Variants in FRYL observed in about 807,000 individuals in gnomAD.
FRYL encodes the protein FRY like transcription coactivator, also known as protein furry homolog-like.
FRYL carries 150 observed loss-of-function variants against 351.2 expected under a neutral mutation model. The observed-to-expected ratio is 0.43, with a 90% CI of 0.37 to 0.49. The LOEUF (loss-of-function observed/expected upper bound fraction) is 0.49, where lower values mean the gene tolerates loss of function less well. Among genes scored for constraint, FRYL ranks in the 20% least tolerant of loss-of-function variants. The probability of loss-of-function intolerance (pLI) is 0.00; values close to 1 mark genes in which losing one functional copy is unlikely to be tolerated. For missense variants in FRYL, 3,036 were observed against 3,619.3 expected (o/e 0.84, Z 4.13); for synonymous variants, 1,153 against 1,257.1 (o/e 0.92, Z 1.75).
chr4:48,550,038 G>A (rs76170679), intron 38 of FRYL, among the ~76,000 whole-genome samples: 4,382 of 152,190 alleles, frequency 0.029, 71 homozygotes, highest in Admixed American at 0.046. Context: ...GTGGGGCTGC[G>A]GGGTGCAATA....
At chr4:48,725,698 C>G (rs1383897197) in intron 1 of FRYL, among the ~76,000 whole-genome samples, 2 of 152,176 alleles carry the variant, frequency 1.3e-5, no homozygotes, top group Non-Finnish European at 2.9e-5. Context: ...CAGATCCACT[C>G]TCGCAGTATC....
At chr4:48,637,845 C>T (rs1754544452) in intron 3 of FRYL, 1 of 151,882 alleles carries the variant, frequency 6.6e-6, no homozygotes, top group Non-Finnish European at 1.5e-5. Context: ...ACTCCTAAAC[C>T]ATTATAAAAT....
chr4:48,625,633 G>A (rs1751635698), intron 4 of FRYL, among the ~76,000 whole-genome samples: 1 of 152,114 alleles, frequency 6.6e-6, no homozygotes. Context: ...GATGTGCATA[G>A]GTTATATGCA....
intron 3 of FRYL, among the ~76,000 whole-genome samples, chr4:48,648,904 T>C (rs1408884071): frequency 6.6e-6 from 1 of 152,190 alleles, no homozygotes; most frequent in African/African-American, 2.4e-5. Context: ...CTGGTGATAA[T>C]TGTACAATTT....
intron 19 of FRYL, among the ~76,000 whole-genome samples, chr4:48,583,872 T>A (rs1741482295): frequency 6.7e-6 from 1 of 149,972 alleles, no homozygotes; most frequent in African/African-American, 2.5e-5. Context: ...GCCACTGCAC[T>A]CCAGCCTGGG....
At chr4:48,758,634 G>T (rs1325390194) in intron 1 of FRYL, among the ~76,000 whole-genome samples, 1 of 152,224 alleles carries the variant, frequency 6.6e-6, no homozygotes, top group Non-Finnish European at 1.5e-5. Flanking sequence ...CTGTTGGTGG[G>T]ACTGTAAACT....
chr4:48,599,479 A>C (rs1242020896), intron 13 of FRYL, among the ~76,000 whole-genome samples: 7 of 152,224 alleles, frequency 4.6e-5, no homozygotes, highest in Admixed American at 1.3e-4. Context: ...AAAACTGTGC[A>C]ATATCATAAA....
chr4:48,581,704 C>T (rs1340061254), intron 20 of FRYL, 99 bp from the exon 21 acceptor site: 32 of 959,428 alleles, frequency 3.3e-5, no homozygotes, highest in Middle Eastern at 3.2e-4. Context: ...GTGATTATGA[C>T]TACCGGTCTG....
At chr4:48,576,885 A>G (rs1739731066) in intron 23 of FRYL, among the ~76,000 whole-genome samples, 1 of 152,190 alleles carries the variant, frequency 6.6e-6, no homozygotes, top group Non-Finnish European at 1.5e-5. Context: ...ATATACATGA[A>G]CTATAAGTGC....
In FRYL at chr4:48,725,624, T is replaced by C. The variant is rs1446796090; in HGVS notation, c.-383-14926A>G. Among the ~76,000 whole-genome samples, 4 of 152,342 alleles carry C rather than the reference T, an allele frequency of 2.6e-5. No homozygotes were observed. The East Asian group carries it at 7.7e-4, about 29-fold the overall frequency. On this transcript the variant is annotated intron_variant, in intron 1 of 63. Transcript: ENST00000358350. Reference sequence around the variant, plus strand: ...GGACATGAATTATCCCTTTGTCCAGTGTGTCCACATCCACACTGTCTATGC... The same window carrying C: ...GGACATGAATTATCCCTTTGTCCAGCGTGTCCACATCCACACTGTCTATGC...
At chr4:48,659,139 C>A (rs1009825908) in intron 3 of FRYL, among the ~76,000 whole-genome samples, 1 of 151,828 alleles carries the variant, frequency 6.6e-6, no homozygotes, top group Non-Finnish European at 1.5e-5. Flanking sequence ...TTGCTTGAGG[C>A]CAGGAGATCA....
chr4:48,656,229 AATTTGAATATATATTATGAATATAT>A (rs1339060035), intron 3 of FRYL, among the ~76,000 whole-genome samples: 1 of 132,896 alleles, frequency 7.5e-6, no homozygotes, highest in African/African-American at 2.8e-5. Context: ...TATTCATGAA[AATTTGAATATATATTATGAATATAT>A]ATTTGAATAT....
At chr4:48,653,810 C>G (rs1758205718) in intron 3 of FRYL, 1 of 302,108 alleles carries the variant, frequency 3.3e-6, no homozygotes, top group African/African-American at 9.8e-5. Flanking sequence ...GCTGCAAAAG[C>G]AGCAGCAGCA....
Position 48,724,466 on chromosome 4 carries a change from C to T in FRYL, c.-383-13768G>A, listed in dbSNP as rs770991413. ...TTCCCACATACCCTATCTAAAATAACGGACACCATCACTCTCTAAGCAAAC... is the reference window on the plus strand; with the variant it reads ...TTCCCACATACCCTATCTAAAATAATGGACACCATCACTCTCTAAGCAAAC... On this transcript the variant is annotated intron_variant, in intron 1 of 63. Coordinates refer to ENST00000358350, the MANE Select transcript of FRYL (RefSeq NM_015030.2). Among the ~76,000 whole-genome samples, 5 of 152,156 alleles carry T rather than the reference C, an allele frequency of 3.3e-5. No homozygotes were observed. In the East Asian group the frequency reaches 5.8e-4, roughly 18 times the overall value.
chr4:48,501,820 G>C, intron 61 of FRYL, 87 bp from the exon 62 acceptor site: 1 of 861,760 alleles, frequency 1.2e-6, no homozygotes. Flanking sequence ...AAATTGTCTT[G>C]TCGTTTATTT....
chr4:48,711,959 G>T (rs1188927689), intron 1 of FRYL, among the ~76,000 whole-genome samples: 1 of 152,202 alleles, frequency 6.6e-6, no homozygotes, highest in African/African-American at 2.4e-5. Flanking sequence ...GGCAAACAGG[G>T]TCTGGAGTGG....
At chr4:48,716,637 G>A (rs1362646908) in intron 1 of FRYL, among the ~76,000 whole-genome samples, 2 of 151,586 alleles carry the variant, frequency 1.3e-5, no homozygotes, top group Non-Finnish European at 2.9e-5. Context: ...TGCTGGAGAG[G>A]ATGTGGAGAA....
chr4:48,605,935 A>G, intron 10 of FRYL, 102 bp from the exon 11 acceptor site: 1 of 724,734 alleles, frequency 1.4e-6, no homozygotes, highest in Non-Finnish European at 2.3e-6. Context: ...TTTACCAAAA[A>G]ACTAAGGTCA....
At chr4:48,733,732 A>G (rs1281935492) in intron 1 of FRYL, among the ~76,000 whole-genome samples, 1 of 152,082 alleles carries the variant, frequency 6.6e-6, no homozygotes, top group Non-Finnish European at 1.5e-5. Context: ...GGAGGGAGAA[A>G]TTAGGATTAT....
Sources: allele counts gnomAD v4.1 joint callset (sites outside exome capture counted in the v4.1 genomes callset), GRCh38; gene constraint gnomAD v4.1.1; transcripts MANE v1.5; gene names NCBI Gene and HGNC (gene_info 2026-07-23, HGNC 2026-07-21).